Variants in ARIH1 observed in about 807,000 individuals in gnomAD.
ARIH1 encodes E3 ubiquitin-protein ligase ARIH1.
In ARIH1, 8 loss-of-function variants were observed where a neutral mutation model predicts 85.0. The observed-to-expected ratio is 0.09, with a 90% CI of 0.06 to 0.17. The LOEUF is 0.17. ARIH1 is among the 10% of genes least tolerant of loss of function. The pLI, the probability that ARIH1 is intolerant of heterozygous loss-of-function variation, is 1.00. For synonymous variants in ARIH1, 238 were observed against 253.6 expected (o/e 0.94, Z 0.59); for missense variants, 311 against 718.1 (o/e 0.43, Z 6.48).
chr15:72,552,016 C>G (rs563812752), intron 3 of ARIH1, among the ~76,000 whole-genome samples: 1 of 152,092 alleles, frequency 6.6e-6, no homozygotes, highest in South Asian at 2.1e-4. Flanking sequence ...TACTCTTGCA[C>G]GGCATAAATG....
rs1483876685 is a variant in ARIH1 at position 72,597,707 on chromosome 15, G to A, written c.*14415G>A. On this transcript the variant is annotated 3_prime_UTR_variant, in exon 14 of 14. Transcript: ENST00000379887. ...AGTGTACTACACCTTCCTGTACCTGGTTATCATCTAAGGGGTAAGATTGGT... is the reference window on the plus strand; with the variant it reads ...AGTGTACTACACCTTCCTGTACCTGATTATCATCTAAGGGGTAAGATTGGT... 6.6e-6 allele frequency: 1 copy of A among 152,038 alleles called. No homozygotes were observed. Among genetic ancestry groups the A allele is most frequent in the Non-Finnish European group, 1.5e-5 (1 of 68,030 alleles). The allele number at this position is 152,038 out of a possible 1,614,324, so 9.4% of individuals were successfully genotyped here.
Position 72,601,653 on chromosome 15 carries a change from T to C in ARIH1, c.*18361T>C, listed in dbSNP as rs969674821. On this transcript the variant is annotated 3_prime_UTR_variant, in exon 14 of 14. Coordinates refer to ENST00000379887, the MANE Select transcript of ARIH1 (RefSeq NM_005744.5). The stretch of plus-strand genomic sequence containing the variant: ...CAAACAAGTCTAGATTGGCTCCCCA[T>C]TGTTTGTTCTAACTGTTCTATATTT... The C allele has an allele frequency of 2.6e-5, 4 of 152,228 alleles. No homozygotes were observed. Among genetic ancestry groups the C allele is most frequent in the African/African-American group, 4.8e-5 (2 of 41,456 alleles). 9.4% of individuals were successfully genotyped at this position (152,228 alleles called of 1,614,324 possible).
intron 3 of ARIH1, among the ~76,000 whole-genome samples, chr15:72,548,915 G>A (rs2064141073): frequency 6.6e-6 from 1 of 152,138 alleles, no homozygotes; most frequent in Non-Finnish European, 1.5e-5. Flanking sequence ...ACCCTTTGGA[G>A]TTAACTGTCC....
intron 3 of ARIH1, among the ~76,000 whole-genome samples, chr15:72,552,777 G>GTTT (rs1167993396): frequency 2.9e-5 from 4 of 139,910 alleles, no homozygotes; most frequent in Non-Finnish European, 4.7e-5. Flanking sequence ...AGGGAGGCCT[G>GTTT]TTTTTTTTTT....
Position 72,599,818 on chromosome 15 carries a change from T to C in ARIH1, c.*16526T>C, listed in dbSNP as rs2064376113. Reference sequence around the variant, plus strand: ...GGACATTTCCATGTTTCCAGTATTTTTTCTCACAAACAATGCAGTATTATG... The same window carrying C: ...GGACATTTCCATGTTTCCAGTATTTCTTCTCACAAACAATGCAGTATTATG... On this transcript the variant is annotated 3_prime_UTR_variant, in exon 14 of 14. Coordinates refer to ENST00000379887, the MANE Select transcript of ARIH1 (RefSeq NM_005744.5). The C allele has an allele frequency of 6.6e-6, 1 of 152,264 alleles. No homozygotes were observed. The highest frequency in any genetic ancestry group is 2.1e-4 in the South Asian group (1 of 4,838). The allele number at this position is 152,264 out of a possible 1,614,324, so 9.4% of individuals were successfully genotyped here.
At chr15:72,489,451 A>T (rs2063850323) in intron 1 of ARIH1, among the ~76,000 whole-genome samples, 1 of 152,150 alleles carries the variant, frequency 6.6e-6, no homozygotes, top group African/African-American at 2.4e-5. Flanking sequence ...AGTGGCACCA[A>T]AGTATGCTAG....
chr15:72,565,895 T>C lies in ARIH1; in HGVS notation c.912-668T>C, dbSNP rs1449228769. ...GTCTTTAGCAAAGGACTTTTTGCCA[T>C]TCGTAAATTACTTAATTAGCTAATT... On this transcript the variant is annotated intron_variant, in intron 7 of 13. Transcript: ENST00000379887. Among the ~76,000 whole-genome samples, 5 of 152,236 alleles carry C rather than the reference T, an allele frequency of 3.3e-5. No homozygotes were observed. In the East Asian group the frequency reaches 5.8e-4, roughly 18 times the overall value.
intron 2 of ARIH1, among the ~76,000 whole-genome samples, chr15:72,532,072 A>AAAAT (rs1198433486): frequency 6.6e-6 from 1 of 152,212 alleles, no homozygotes; most frequent in Non-Finnish European, 1.5e-5. Flanking sequence ...AAAGAACAAC[A>AAAAT]AAATAAATAT....
rs2064349161 is a variant in ARIH1, at chr15:72,593,038, A to C, written c.*9746A>C. 6.6e-6 allele frequency: 1 copy of C among 152,194 alleles called. No homozygotes were observed. The highest frequency in any genetic ancestry group is 1.5e-5 in the Non-Finnish European group (1 of 68,016). 9.4% of individuals were successfully genotyped at this position (152,194 alleles called of 1,614,324 possible). A position where few individuals can be genotyped will look rare whatever the true frequency, so the allele number is the denominator to read the frequency against. On this transcript the variant is annotated 3_prime_UTR_variant, in exon 14 of 14. Coordinates refer to ENST00000379887, the MANE Select transcript of ARIH1 (RefSeq NM_005744.5). ...CATTTTGTACTCCTATCAGTGATGTATGAGAGTTACAGTTGCTTCACATGT... is the reference window on the plus strand; with the variant it reads ...CATTTTGTACTCCTATCAGTGATGTCTGAGAGTTACAGTTGCTTCACATGT...
chr15:72,502,607 C>G (rs1310529204), intron 1 of ARIH1, among the ~76,000 whole-genome samples: 1 of 152,062 alleles, frequency 6.6e-6, no homozygotes, highest in Non-Finnish European at 1.5e-5. Flanking sequence ...GAGTTTCAGA[C>G]CAGCCAGGGC....
At chr15:72,497,496 A>G (rs1244722966) in intron 1 of ARIH1, among the ~76,000 whole-genome samples, 2 of 152,116 alleles carry the variant, frequency 1.3e-5, no homozygotes, top group African/African-American at 2.4e-5. Context: ...GGGCAATAGC[A>G]TTTTTATACT....
chr15:72,475,780 A>G (rs1386076254), intron 1 of ARIH1, among the ~76,000 whole-genome samples: 5 of 152,208 alleles, frequency 3.3e-5, no homozygotes, highest in Non-Finnish European at 7.3e-5. Context: ...ACAAGACTCT[A>G]TTGTGAGTTA....
chr15:72,544,054 C>CAT (rs1020898127), intron 2 of ARIH1, among the ~76,000 whole-genome samples: 2 of 151,950 alleles, frequency 1.3e-5, no homozygotes, highest in African/African-American at 2.4e-5. Flanking sequence ...TAGTACTTGG[C>CAT]ATATATATAC....
intron 1 of ARIH1, among the ~76,000 whole-genome samples, chr15:72,506,385 G>C (rs2140404385): frequency 1.4e-5 from 1 of 72,264 alleles, no homozygotes; most frequent in South Asian, 6.7e-4. Context: ...AAAGAACTTA[G>C]TCATTGTGGA....
chr15:72,560,317 G>A (rs567721396), intron 5 of ARIH1, among the ~76,000 whole-genome samples: 2 of 152,288 alleles, frequency 1.3e-5, no homozygotes, highest in Admixed American at 6.5e-5. Flanking sequence ...ATCCAAACGA[G>A]TGTGGAAACT....
chr15:72,500,979 CA>C (rs1174810546), intron 1 of ARIH1, among the ~76,000 whole-genome samples: 1 of 152,170 alleles, frequency 6.6e-6, no homozygotes, highest in African/African-American at 2.4e-5. Flanking sequence ...AAAATATCGT[CA>C]GGAAGTTTAT....
chr15:72,557,656 T>C (rs886599546), intron 5 of ARIH1, among the ~76,000 whole-genome samples: 1 of 152,216 alleles, frequency 6.6e-6, no homozygotes, highest in African/African-American at 2.4e-5. Flanking sequence ...TTCCTGGATT[T>C]TCTTTTAAGA....
intron 11 of ARIH1, among the ~76,000 whole-genome samples, chr15:72,574,724 T>C (rs2064262212): frequency 6.6e-6 from 1 of 152,194 alleles, no homozygotes. Context: ...TCTGCCCTTA[T>C]AATGCAAAAG....
chr15:72,545,766 T>G (rs2064126156), intron 3 of ARIH1, among the ~76,000 whole-genome samples: 1 of 152,204 alleles, frequency 6.6e-6, no homozygotes, highest in Non-Finnish European at 1.5e-5. Flanking sequence ...AAGGCAGAGG[T>G]TACAGTGAGC....
Sources: gnomAD v4.1 joint callset for allele counts (sites outside exome capture counted in the v4.1 genomes callset) on GRCh38, gnomAD v4.1.1 for gene constraint, MANE v1.5 for transcripts, NCBI Gene and HGNC (gene_info 2026-07-23, HGNC 2026-07-21) for gene names.